DGKG: variants seen among roughly 807,000 people sequenced by gnomAD.
The protein encoded by DGKG is diacylglycerol kinase gamma, also known as DAG kinase gamma.
DGKG carries 78 observed loss-of-function variants against 105.3 expected under a neutral mutation model. The observed-to-expected ratio is 0.74, with a 90% confidence interval of 0.62 to 0.89. DGKG has a LOEUF of 0.89. Among genes scored for constraint, DGKG ranks in the 40% least tolerant of loss-of-function variants. The probability of loss-of-function intolerance (pLI) is 0.00; values close to 1 mark genes in which losing one functional copy is unlikely to be tolerated. For missense variants in DGKG, 958 were observed against 1,020.1 expected (o/e 0.94, Z 0.83); for synonymous variants, 346 against 367.1 (o/e 0.94, Z 0.66).
chr3:186,328,563 G>A (rs1206535285), intron 1 of DGKG, among the ~76,000 whole-genome samples: 1 of 150,180 alleles, frequency 6.7e-6, no homozygotes, highest in African/African-American at 2.5e-5. Context: ...CAGTGGAAAA[G>A]GCTACACCAT....
intron 22 of DGKG, among the ~76,000 whole-genome samples, chr3:186,165,927 G>A (rs1716520953): frequency 6.6e-6 from 1 of 152,216 alleles, no homozygotes; most frequent in Non-Finnish European, 1.5e-5. Flanking sequence ...ACCAAGGCAA[G>A]AGTAGCTTTC....
chr3:186,254,118 G>C (rs980074914), intron 17 of DGKG, among the ~76,000 whole-genome samples: 1 of 152,206 alleles, frequency 6.6e-6, no homozygotes, highest in Non-Finnish European at 1.5e-5. Context: ...TAGGCTGGGA[G>C]AGCTGAAGAG....
At chr3:186,180,887 G>A (rs1261382016) in intron 22 of DGKG, among the ~76,000 whole-genome samples, 2 of 152,240 alleles carry the variant, frequency 1.3e-5, no homozygotes, top group Non-Finnish European at 2.9e-5. Flanking sequence ...ACAGTGCACA[G>A]ACAGATTGAA....
intron 24 of DGKG, 113 bp from the exon 25 acceptor site, chr3:186,150,301 A>C: frequency 7.4e-7 from 1 of 1,356,784 alleles, no homozygotes; most frequent in East Asian, 2.5e-5. Context: ...AGCCCCATGC[A>C]GAAGGACAAC....
At chr3:186,199,304 C>G (rs1718334501) in intron 21 of DGKG, among the ~76,000 whole-genome samples, 1 of 152,138 alleles carries the variant, frequency 6.6e-6, no homozygotes, top group South Asian at 2.1e-4. Context: ...TGTAGCAACT[C>G]TTACAGAACA....
At chr3:186,178,069 A>G (rs1181212705) in intron 22 of DGKG, among the ~76,000 whole-genome samples, 1 of 152,222 alleles carries the variant, frequency 6.6e-6, no homozygotes, top group Non-Finnish European at 1.5e-5. Flanking sequence ...TACAGCAAGA[A>G]GCATCCATCC....
At chr3:186,155,321 T>G (rs1715982635) in intron 24 of DGKG, among the ~76,000 whole-genome samples, 1 of 152,158 alleles carries the variant, frequency 6.6e-6, no homozygotes, top group Non-Finnish European at 1.5e-5. Context: ...GTCTCCTGAA[T>G]AGCTGGGATT....
At chr3:186,314,715 C>CT (rs1724732434) in intron 2 of DGKG, among the ~76,000 whole-genome samples, 1 of 146,568 alleles carries the variant, frequency 6.8e-6, no homozygotes, top group African/African-American at 2.5e-5. Context: ...GATCGCGCCG[C>CT]TGCACTCCAG....
At chr3:186,358,516 G>GTGTGTGTGTGTGTA (rs1342066895) in intron 1 of DGKG, among the ~76,000 whole-genome samples, 1 of 152,150 alleles carries the variant, frequency 6.6e-6, no homozygotes, top group Non-Finnish European at 1.5e-5. Flanking sequence ...TTGTGTGTGT[G>GTGTGTGTGTGTGTA]TGTGTGTGTT....
chr3:186,149,949 G>A lies in DGKG; in HGVS notation c.*141C>T. 3 of 1,427,030 alleles carry A rather than the reference G, an allele frequency of 2.1e-6. No individual in the cohort carries two copies. Among genetic ancestry groups the A allele is most frequent in the Non-Finnish European group, 2.7e-6 (3 of 1,094,126 alleles). The allele number at this position is 1,427,030 out of a possible 1,614,324, so 88.4% of individuals were successfully genotyped here. A position where few individuals can be genotyped will look rare whatever the true frequency, so the allele number is the denominator to read the frequency against. ...CAAGGTGACGTTTTCTTCCCGAAGG[G>A]TGGCTTTGCTTCCACTGGTTAGAGA... is the stretch of plus-strand genomic sequence containing the variant. On this transcript the variant is annotated 3_prime_UTR_variant, in exon 25 of 25. Coordinates refer to ENST00000265022, the MANE Select transcript of DGKG (RefSeq NM_001346.3).
chr3:186,168,547 A>C (rs996818614), intron 22 of DGKG, among the ~76,000 whole-genome samples: 3 of 152,210 alleles, frequency 2.0e-5, no homozygotes, highest in African/African-American at 7.2e-5. Context: ...AGTGGCACTC[A>C]TCATAATACC....
intron 1 of DGKG, among the ~76,000 whole-genome samples, chr3:186,345,793 C>T (rs549800782): frequency 1.2e-4 from 19 of 152,040 alleles, no homozygotes; most frequent in Admixed American, 4.6e-4. Flanking sequence ...TTTTTGAGAC[C>T]GAGTCTCGCT....
intron 5 of DGKG, among the ~76,000 whole-genome samples, chr3:186,294,993 C>T (rs776636412): frequency 2.6e-5 from 4 of 152,152 alleles, no homozygotes; most frequent in Admixed American, 2.6e-4. Flanking sequence ...TGTTTTTCCC[C>T]AACCATGCTC....
Position 186,322,228 on chromosome 3 carries a change from C to T in DGKG, c.-248-1521G>A, listed in dbSNP as rs554531591. On this transcript the variant is annotated intron_variant, in intron 1 of 24. Transcript: ENST00000265022. Reference sequence around the variant, plus strand: ...AAGCAAATGTAGTACATATACACCACGGAATACTACACAGCCATAAAAAAG... The same window carrying T: ...AAGCAAATGTAGTACATATACACCATGGAATACTACACAGCCATAAAAAAG... Among the ~76,000 whole-genome samples, 24 of 152,218 alleles carry T rather than the reference C, an allele frequency of 1.6e-4. 2 individuals are homozygous for T. The highest frequency in any genetic ancestry group is 3.9e-4 in the East Asian group (2 of 5,180).
chr3:186,176,333 G>T (rs1393212958), intron 22 of DGKG, among the ~76,000 whole-genome samples: 1 of 152,044 alleles, frequency 6.6e-6, no homozygotes, highest in Non-Finnish European at 1.5e-5. Context: ...GCATATACAA[G>T]GTACATTCCA....
chr3:186,244,565 G>T (rs186364042), intron 19 of DGKG, among the ~76,000 whole-genome samples: 2 of 151,586 alleles, frequency 1.3e-5, no homozygotes, highest in Non-Finnish European at 2.9e-5. Context: ...CCACCATGTC[G>T]GGCTAATTTT....
chr3:186,320,057 G>T (rs1020940587), intron 2 of DGKG, among the ~76,000 whole-genome samples: 1 of 152,172 alleles, frequency 6.6e-6, no homozygotes, highest in African/African-American at 2.4e-5. Context: ...CAGGCTTAAC[G>T]CAGGGTGTAT....
intron 21 of DGKG, among the ~76,000 whole-genome samples, chr3:186,201,405 A>C (rs563013632): frequency 6.6e-6 from 1 of 151,896 alleles, no homozygotes; most frequent in South Asian, 2.1e-4. Flanking sequence ...GGTGACTTCC[A>C]CCCTACAGCC....
At position 186,268,885 on chromosome 3, in the gene DGKG, G is replaced by C. The variant is rs369561542; in HGVS notation, c.1032C>G (p.Ser344=). 1.2e-6 allele frequency: 2 copies of C among 1,614,028 alleles called. No individual in the cohort carries two copies. Among genetic ancestry groups the C allele is most frequent in the Non-Finnish European group, 1.7e-6 (2 of 1,180,000 alleles). ...TGTGGCACCGGTCACACTTGACGGA[G>C]GAGTTCCCTTCCACCCATGCGTGCT... is the stretch of plus-strand genomic sequence containing the variant. The part of the protein sequence containing the change: ...VMQHAWVEGN[S]SVKCDRCHKS... Residue 344 remains serine (S), a synonymous_variant, in exon 12 of 25, where the codon TCC becomes TCG. Coordinates refer to ENST00000265022, the MANE Select transcript of DGKG (RefSeq NM_001346.3).
Sources: allele counts gnomAD v4.1 joint callset (sites outside exome capture counted in the v4.1 genomes callset), GRCh38; gene constraint gnomAD v4.1.1; transcripts MANE v1.5; gene names NCBI Gene and HGNC (gene_info 2026-07-23, HGNC 2026-07-21).